The following C11orf65 variants were observed in gnomAD, a reference collection of about 807,000 sequenced individuals.
C11orf65 encodes the protein chromosome 11 open reading frame 65.
In C11orf65, 38 loss-of-function variants were observed where a neutral mutation model predicts 35.3. The ratio of observed to expected loss-of-function variants is 1.08; its 90% confidence interval spans 0.83 to 1.41. The LOEUF (loss-of-function observed/expected upper bound fraction) is 1.41. Ranked by LOEUF, C11orf65 falls within the 40% of genes most tolerant of loss-of-function variation. C11orf65 has a pLI of 0.00. For missense variants in C11orf65, 370 were observed against 367.1 expected, an observed-to-expected ratio of 1.01 and a Z score of -0.06; for synonymous variants, 105 against 114.4, an observed-to-expected ratio of 0.92 and a Z score of 0.53.
At chr11:108,393,893 C>A (rs1281474260) in intron 6 of C11orf65, among the ~76,000 whole-genome samples, 1 of 152,104 alleles carries the variant, frequency 6.6e-6, no homozygotes, top group Non-Finnish European at 1.5e-5. Context: ...TTTAAAAAGA[C>A]ACAGCCAGGC....
At chr11:108,390,612 T>C (rs2092137174) in intron 7 of C11orf65, among the ~76,000 whole-genome samples, 1 of 152,162 alleles carries the variant, frequency 6.6e-6, no homozygotes, top group South Asian at 2.1e-4. Context: ...CCTGGGAAAC[T>C]CATTCAAAAT....
chr11:108,459,190 G>A (rs574652908), intron 2 of C11orf65, among the ~76,000 whole-genome samples: 1 of 152,180 alleles, frequency 6.6e-6, no homozygotes, highest in Non-Finnish European at 1.5e-5. Flanking sequence ...ACTGTGGAAT[G>A]CCAAATTCAT....
rs2088308600 is a variant in C11orf65, at chr11:108,345,899, T to A, written c.227-10607A>T. 2.5e-6 allele frequency: 4 copies of A among 1,613,674 alleles called. No individual in the cohort carries two copies. The highest frequency in any genetic ancestry group is 1.1e-5 in the South Asian group (1 of 91,072). On this transcript the variant is annotated intron_variant, in intron 2 of 3. Coordinates refer to the C11orf65 transcript ENST00000524755. ...GGCTTATACGCGCAGTGTAGCTACTTCTTCTATTGGTAATCTTCTTGTACA... is the reference window on the plus strand; with the variant it reads ...GGCTTATACGCGCAGTGTAGCTACTACTTCTATTGGTAATCTTCTTGTACA...
In C11orf65 at chr11:108,315,928, T is replaced by C. The variant is rs2136122949; in HGVS notation, c.641-6857A>G. On this transcript the variant is annotated intron_variant, in intron 6 of 6. Transcript: ENST00000525729. ...CATTACTAGGTAAATTGCATTTTTC[T>C]AAACAACGGTATAGTAATTCTGTTT... 1 of 1,608,180 alleles carries C rather than the reference T, an allele frequency of 6.2e-7. No homozygotes were observed. Among genetic ancestry groups the C allele is most frequent in the Non-Finnish European group, 8.5e-7 (1 of 1,174,612 alleles).
chr11:108,447,605 T>C (rs1488161504), intron 2 of C11orf65, among the ~76,000 whole-genome samples: 3 of 152,046 alleles, frequency 2.0e-5, no homozygotes, highest in East Asian at 1.9e-4. Flanking sequence ...AGGCACAACA[T>C]ACCAGAATCT....
intron 3 of C11orf65, chr11:108,331,627 A>G: frequency 5.6e-6 from 8 of 1,434,972 alleles, no homozygotes; most frequent in East Asian, 2.6e-5. Context: ...TATATAAAGT[A>G]TATATACCAT....
intron 2 of C11orf65, chr11:108,336,215 G>A: frequency 2.5e-6 from 1 of 395,440 alleles, no homozygotes; most frequent in Non-Finnish European, 4.7e-6. Context: ...TGAGGTGGGA[G>A]GATCACTTGA....
rs876658300 is a variant in C11orf65 at position 108,317,506 on chromosome 11, A to G, written c.641-8435T>C. Reference sequence around the variant, plus strand: ...GCATGGAGGAATATGCAGTGGGACCATTGCACTTCCGTCAGGTAAGAAATT... The same window carrying G: ...GCATGGAGGAATATGCAGTGGGACCGTTGCACTTCCGTCAGGTAAGAAATT... On this transcript the variant is annotated intron_variant, in intron 6 of 6. Coordinates refer to the C11orf65 transcript ENST00000525729. The G allele has an allele frequency of 1.6e-5, 26 of 1,608,234 alleles. No homozygotes were observed. Among genetic ancestry groups the G allele is most frequent in the Non-Finnish European group, 2.0e-5 (23 of 1,177,514 alleles).
intron 3 of C11orf65, among the ~76,000 whole-genome samples, chr11:108,423,943 G>C (rs1041825456): frequency 6.6e-6 from 1 of 152,152 alleles, no homozygotes; most frequent in African/African-American, 2.4e-5. Flanking sequence ...AAACCACAAA[G>C]ATGAGGAAAA....
chr11:108,401,270 C>T (rs919744230), intron 6 of C11orf65, among the ~76,000 whole-genome samples: 1 of 151,778 alleles, frequency 6.6e-6, no homozygotes, highest in African/African-American at 2.4e-5. Context: ...CACACAATTC[C>T]CTGAACTTTT....
chr11:108,441,381 C>T (rs1174674573), intron 2 of C11orf65, among the ~76,000 whole-genome samples: 2 of 152,260 alleles, frequency 1.3e-5, no homozygotes, highest in African/African-American at 4.8e-5. Context: ...CCTCTGTAGA[C>T]TCCACCTCTG....
intron 2 of C11orf65, among the ~76,000 whole-genome samples, chr11:108,443,594 A>C (rs1014022980): frequency 4.6e-5 from 7 of 152,188 alleles, no homozygotes; most frequent in African/African-American, 1.4e-4. Flanking sequence ...GCAAATGTAA[A>C]AGAACAGAAA....
At chr11:108,468,002 T>C (rs1656598388), upstream of C11orf65, among the ~76,000 whole-genome samples, 1 of 152,000 alleles carries the variant, frequency 6.6e-6, no homozygotes. Context: ...ATTTTTCTAT[T>C]TTTATTAATA....
At chr11:108,453,396 T>A (rs1470253212) in intron 2 of C11orf65, among the ~76,000 whole-genome samples, 2 of 151,526 alleles carry the variant, frequency 1.3e-5, no homozygotes, top group African/African-American at 4.9e-5. Flanking sequence ...TTAAGCCCAA[T>A]GAATACAGTA....
At position 108,405,350 on chromosome 11, in the gene C11orf65, G is replaced by A. The variant is rs553736471; in HGVS notation, c.560+79C>T. On this transcript the variant is annotated intron_variant, in intron 6 of 8. Coordinates refer to ENST00000393084, the MANE Select transcript of C11orf65 (RefSeq NM_152587.5). ...CCCCCTGCAGCTAATGCCCTCTTGT[G>A]AGGAGCAATACCTCATTTCAAATTT... 2.7e-6 allele frequency: 4 copies of A among 1,458,588 alleles called. No homozygotes were observed. In the African/African-American group the frequency reaches 5.6e-5, roughly 21 times the overall value. The allele number at this position is 1,458,588 out of a possible 1,614,324, so 90.4% of individuals were successfully genotyped here.
intron 2 of C11orf65, among the ~76,000 whole-genome samples, chr11:108,451,785 A>G (rs1282822976): frequency 6.6e-6 from 1 of 152,246 alleles, no homozygotes; most frequent in Non-Finnish European, 1.5e-5. Flanking sequence ...CCAAAACAGC[A>G]TGGTACTGGT....
chr11:108,393,083 A>G, intron 7 of C11orf65, 125 bp downstream of exon 7: 1 of 1,017,902 alleles, frequency 9.8e-7, no homozygotes. Context: ...CAAATAATAG[A>G]TACTCGGGTT....
At chr11:108,381,940 C>T (rs1037857377), downstream of C11orf65, among the ~76,000 whole-genome samples, 7 of 33,820 alleles carry the variant, frequency 2.1e-4, no homozygotes, top group African/African-American at 4.9e-4. Context: ...TCCTTGCTCT[C>T]TCTCTCTCTC....
At chr11:108,362,878 AG>A in intron 2 of C11orf65, among the ~76,000 whole-genome samples, 1 of 151,906 alleles carries the variant, frequency 6.6e-6, no homozygotes, top group Admixed American at 6.6e-5. Context: ...GCAGCGCACC[AG>A]CATGGCATAT....
Sources: gnomAD v4.1 joint callset for allele counts (sites outside exome capture counted in the v4.1 genomes callset) on GRCh38, gnomAD v4.1.1 for gene constraint, MANE v1.5 for transcripts, NCBI Gene and HGNC (gene_info 2026-07-23, HGNC 2026-07-21) for gene names.